Variants in CHD5 observed in about 807,000 individuals in gnomAD.
CHD5 encodes chromodomain helicase DNA binding protein 5.
A neutral mutation model predicts 230.3 loss-of-function variants in CHD5; 69 were observed. The observed-to-expected ratio is 0.30, with a 90% CI of 0.25 to 0.37. CHD5 has a LOEUF of 0.37. CHD5 is among the 10% of genes least tolerant of loss of function. The pLI is 1.00. For missense variants in CHD5, 1,827 were observed against 2,622.8 expected (o/e 0.70, Z 6.63); for synonymous variants, 1,064 against 1,065.9 (o/e 1.00, Z 0.03).
chr1:6,159,258 C>G (rs1354480174), intron 3 of CHD5, 78 bp downstream of exon 3: 43 of 1,496,328 alleles, frequency 2.9e-5, no homozygotes, highest in Non-Finnish European at 3.8e-5. Context: ...CACACACACA[C>G]AGAACATACA....
rs1038958924 is a variant in CHD5 at position 6,111,758 on chromosome 1, G to A, written c.5249+17C>T. 2.7e-5 allele frequency: 43 copies of A among 1,607,898 alleles called. 1 individual carries two copies. The South Asian group carries it at 2.9e-4, about 11-fold the overall frequency. On this transcript the variant is annotated intron_variant, in intron 36 of 41. Coordinates refer to ENST00000262450, the MANE Select transcript of CHD5 (RefSeq NM_015557.3). Reference sequence around the variant, plus strand: ...GAACGGGCAAGTCCCTGCCCAGCCCGGCCTGGCCAAGGATACGTCACGATG... The same window carrying A: ...GAACGGGCAAGTCCCTGCCCAGCCCAGCCTGGCCAAGGATACGTCACGATG...
chr1:6,161,531 T>C (rs1667177407), intron 2 of CHD5, among the ~76,000 whole-genome samples: 2 of 152,210 alleles, frequency 1.3e-5, no homozygotes, highest in South Asian at 2.1e-4. Flanking sequence ...GCCTCTGTGC[T>C]CTTTGCTTTT....
In CHD5 at chr1:6,136,800, G is replaced by A. The variant is rs760969221; in HGVS notation, c.2502C>T (p.Ala834=). 1 of 1,613,876 alleles carries A rather than the reference G, an allele frequency of 6.2e-7. No homozygotes were observed. The highest frequency in any genetic ancestry group is 1.1e-5 in the South Asian group (1 of 91,070). ...TSYELITIDQ[A]ILGSIEWACL... ...AGGCCCACTCGATGGAGCCCAGGAT[G>A]GCCTGGTCAATGGTGATGAGCTCAT... The change falls in exon 16 of 42, where the codon GCC becomes GCT. Residue 834 remains alanine, a synonymous_variant. Transcript: ENST00000262450.
At chr1:6,149,829 GGAT>G (rs1203980274) in intron 7 of CHD5, among the ~76,000 whole-genome samples, 6 of 151,510 alleles carry the variant, frequency 4.0e-5, no homozygotes, top group Admixed American at 6.6e-5. Context: ...AAGGATGGAT[GGAT>G]GATGAATGGA....
intron 1 of CHD5, among the ~76,000 whole-genome samples, chr1:6,177,804 TGGAGCGTGGAGTGTTCCAGAAGCAGCAA>T (rs763911691): frequency 3.3e-5 from 5 of 152,140 alleles, no homozygotes; most frequent in Non-Finnish European, 5.9e-5. Flanking sequence ...GGATGGAGCG[TGGAGCGTGGAGTGTTCCAGAAGCAGCAA>T]GGAGGCCAGC....
rs543990581 is a variant in CHD5 at position 6,115,034 on chromosome 1, C to A, written c.4913-2036G>T. On this transcript the variant is annotated intron_variant, in intron 33 of 41. Coordinates refer to ENST00000262450, the MANE Select transcript of CHD5 (RefSeq NM_015557.3). ...ATCTCAAAAAAAAAAAAGGGGGGGGCAGGCGCGGTGGCTCACGCCTGTAAT... is the reference window on the plus strand; with the variant it reads ...ATCTCAAAAAAAAAAAAGGGGGGGGAAGGCGCGGTGGCTCACGCCTGTAAT... 2.3e-4 allele frequency among the ~76,000 whole-genome samples: 35 copies of A among 149,880 alleles called. No homozygotes were observed. The South Asian group carries it at 7.0e-3, about 30-fold the overall frequency.
rs754604095 is a variant in CHD5, at chr1:6,155,768, C to T, written c.388-51G>A. The T allele has an allele frequency of 8.6e-6, 12 of 1,400,534 alleles. No homozygotes were observed. Among genetic ancestry groups the T allele is most frequent in the Admixed American group, 5.1e-5 (3 of 59,230 alleles). 86.8% of individuals were successfully genotyped at this position (1,400,534 alleles called of 1,614,324 possible). On this transcript the variant is annotated intron_variant, in intron 3 of 41. Transcript: ENST00000262450. The surrounding 1 kb of genome is among the most constrained non-coding windows in gnomAD (Gnocchi z 4.0). ...AGTTGTTGAGGGGCCTTCTGACCTG[C>T]ACCCCCATCCCCAGGGTCTCTGCCT...
At chr1:6,170,898 C>A (rs1379616405) in intron 1 of CHD5, among the ~76,000 whole-genome samples, 5 of 152,200 alleles carry the variant, frequency 3.3e-5, no homozygotes, top group African/African-American at 1.2e-4. Context: ...GGATGCCAGT[C>A]CACAACTGCC....
intron 11 of CHD5, among the ~76,000 whole-genome samples, chr1:6,145,905 T>A (rs1666902859): frequency 6.6e-6 from 1 of 152,182 alleles, no homozygotes; most frequent in East Asian, 1.9e-4. Context: ...GCGTCCCTCG[T>A]CCTCAGAACC....
At chr1:6,156,110 A>G (rs1667077554) in intron 3 of CHD5, among the ~76,000 whole-genome samples, 2 of 152,236 alleles carry the variant, frequency 1.3e-5, no homozygotes, top group Admixed American at 6.5e-5. Flanking sequence ...AGGGCAGGAC[A>G]ACAGAACTTG....
rs146722182 is a variant in CHD5, at chr1:6,148,063, T to C, written c.1383+791A>G. Among the ~76,000 whole-genome samples, 279 of 150,800 alleles carry C rather than the reference T, an allele frequency of 1.9e-3. 2 individuals carry two copies. Among genetic ancestry groups the C allele is most frequent in the African/African-American group, 6.3e-3 (258 of 41,014 alleles). ...CAGAAGGCTGCACCCCTCAAAAGGG[T>C]CCTCCCCTGGCCCCTACACAGACAC... On this transcript the variant is annotated intron_variant, in intron 9 of 41. Transcript: ENST00000262450.
At chr1:6,106,203 G>A (rs757559927) in intron 41 of CHD5, 31 bp downstream of exon 41, 28 of 1,591,232 alleles carry the variant, frequency 1.8e-5, no homozygotes, top group Non-Finnish European at 2.2e-5. Context: ...ATGGGGTGGC[G>A]GGGAGGAACA....
At chr1:6,143,975 GA>G in intron 12 of CHD5, 44 bp from the exon 13 acceptor site, 1 of 1,614,106 alleles carries the variant, frequency 6.2e-7, no homozygotes, top group South Asian at 1.1e-5. Context: ...CTCAGCCCAG[GA>G]GCAGGTCCCG....
chr1:6,162,878 C>T (rs764715579), intron 2 of CHD5, among the ~76,000 whole-genome samples: 2 of 152,122 alleles, frequency 1.3e-5, no homozygotes, highest in East Asian at 1.9e-4. Flanking sequence ...GCAACATCTA[C>T]GGGGAGCCAA....
chr1:6,169,272 A>G (rs1667300607), intron 1 of CHD5, among the ~76,000 whole-genome samples: 1 of 152,240 alleles, frequency 6.6e-6, no homozygotes, highest in Admixed American at 6.5e-5. Context: ...CGGGAAGCCA[A>G]GCGCATTCCA....
rs778128816 is a variant in CHD5 at position 6,109,894 on chromosome 1, C to T, written c.5479G>A (p.Ala1827Thr). The change falls in exon 38 of 42, where the codon GCC (alanine) becomes ACC (threonine). Residue 1827 changes from alanine (A) to threonine (T), a missense_variant. Physicochemically the swap from Ala to Thr is moderately conservative, Grantham distance 58 (BLOSUM62 0). Around this residue, in one of 14 missense-constraint regions of CHD5, gnomAD observed 208 missense variants for 302.0 expected, o/e 0.69. Coordinates refer to ENST00000262450, the MANE Select transcript of CHD5 (RefSeq NM_015557.3). ...DPNHPAMALNARLAEVECLAE... is the reference protein window; with the variant it reads ...DPNHPAMALNTRLAEVECLAE... ...AGGCACTCCACTTCAGCCAGGCGGG[C>T]GTTGAGGGCCATGGCGGGGTGGTTG... 2.9e-5 allele frequency: 46 copies of T among 1,611,936 alleles called. No homozygotes were observed. Among genetic ancestry groups the T allele is most frequent in the African/African-American group, 4.0e-5 (3 of 74,840 alleles).
In CHD5 at chr1:6,146,268, G is replaced by A. The variant is rs1666909257; in HGVS notation, c.1746C>T (p.Phe582=). 1 of 1,614,200 alleles carries A rather than the reference G, an allele frequency of 6.2e-7. No homozygotes were observed. The highest frequency in any genetic ancestry group is 8.5e-7 in the Non-Finnish European group (1 of 1,180,030). The change falls in exon 11 of 42, where the codon TTC becomes TTT. Residue 582 remains phenylalanine (F), a synonymous_variant. Transcript: ENST00000262450. The surrounding 1 kb of genome is among the most constrained non-coding windows in gnomAD (Gnocchi z 5.1). Reference sequence around the variant, plus strand: ...ACTCTGGCTTGATGCCATAGCGGTAGAAGCGCTCCTCCATCTTGGCATAGA... The same window carrying A: ...ACTCTGGCTTGATGCCATAGCGGTAAAAGCGCTCCTCCATCTTGGCATAGA... ...DPLYAKMEER[F]YRYGIKPEWM...
chr1:6,136,935 G>A (rs536898999), intron 15 of CHD5, 70 bp from the exon 16 acceptor site: 53 of 1,495,538 alleles, frequency 3.5e-5, no homozygotes, highest in South Asian at 2.3e-4. Flanking sequence ...AGGAGACAAA[G>A]AGCCAAGAAG....
chr1:6,154,865 G>T lies in CHD5; in HGVS notation c.540C>A (p.Pro180=). ...CCAGGACGGTCATCATTTTGGACAT[G>T]GGGATCTTCGGGTTCTTCTTGGCAA... ...PLIAKKNPKI[P]MSKMMTVLGA... is the part of the protein sequence containing the mutation. Residue 180 remains proline (P), a synonymous_variant, in exon 5 of 42, where the codon CCC becomes CCA. Coordinates refer to ENST00000262450, the MANE Select transcript of CHD5 (RefSeq NM_015557.3). This position sits in a 1 kb window ranked among gnomAD's most constrained non-coding sequence, Gnocchi z 7.0. 6.2e-7 allele frequency: 1 copy of T among 1,613,914 alleles called. No homozygotes were observed. Among genetic ancestry groups the T allele is most frequent in the Non-Finnish European group, 8.5e-7 (1 of 1,179,938 alleles).
Sources: gnomAD v4.1 joint callset for allele counts (sites outside exome capture counted in the v4.1 genomes callset) on GRCh38, gnomAD v4.1.1 for gene constraint, gnomAD v4.1.1 regional missense constraint, Gnocchi (gnomAD v3.1) non-coding constraint, MANE v1.5 for transcripts, NCBI Gene and HGNC (gene_info 2026-07-23, HGNC 2026-07-21) for gene names.